The following CTNNA2 variants were observed in gnomAD, a reference collection of about 807,000 sequenced individuals.
CTNNA2 encodes catenin alpha-2.
In CTNNA2, 42 loss-of-function variants were observed where a neutral mutation model predicts 101.0. The observed-to-expected ratio is 0.42, with a 90% confidence interval of 0.32 to 0.54. CTNNA2 has a LOEUF of 0.54. Among genes scored for constraint, CTNNA2 ranks in the 20% least tolerant of loss-of-function variants. The pLI is 0.14. For synonymous variants in CTNNA2, 450 were observed against 456.4 expected (o/e 0.99, Z 0.18); for missense variants, 871 against 1,223.1 (o/e 0.71, Z 4.29).
At chr2:80,094,218 A>C (rs1251554965) in intron 7 of CTNNA2, among the ~76,000 whole-genome samples, 1 of 152,082 alleles carries the variant, frequency 6.6e-6, no homozygotes, top group African/African-American at 2.4e-5. Context: ...TCAGCTTTCT[A>C]CATATGGCTA....
At chr2:79,467,860 C>G (rs891376230) in intron 4 of CTNNA2, among the ~76,000 whole-genome samples, 2 of 152,150 alleles carry the variant, frequency 1.3e-5, no homozygotes, top group Non-Finnish European at 1.5e-5. Flanking sequence ...GCTTGCCCTA[C>G]AAGAGCTCCT....
chr2:80,151,466 G>A (rs933625050), intron 7 of CTNNA2, among the ~76,000 whole-genome samples: 3 of 152,146 alleles, frequency 2.0e-5, no homozygotes, highest in African/African-American at 7.2e-5. Flanking sequence ...GAAATATACA[G>A]TAAGAGCCAC....
At chr2:80,104,460 T>C (rs1441394045) in intron 7 of CTNNA2, among the ~76,000 whole-genome samples, 2 of 152,168 alleles carry the variant, frequency 1.3e-5, no homozygotes, top group Non-Finnish European at 2.9e-5. Flanking sequence ...CTCTGTTTGG[T>C]CTTTGCAGCC....
chr2:80,110,608 T>C lies in CTNNA2; in HGVS notation c.1056+200811T>C, dbSNP rs550795387. 1.6e-4 allele frequency among the ~76,000 whole-genome samples: 24 copies of C among 152,278 alleles called. No individual in the cohort carries two copies. The South Asian group carries it at 5.0e-3, about 32-fold the overall frequency. Reference sequence around the variant, plus strand: ...TAGCCTGTAGAGTTTAGCTGTCCTTTCCTGTGGTGTAGGTGAGAGAAAAAA... The same window carrying C: ...TAGCCTGTAGAGTTTAGCTGTCCTTCCCTGTGGTGTAGGTGAGAGAAAAAA... On this transcript the variant is annotated intron_variant, in intron 7 of 18. Transcript: ENST00000402739.
chr2:80,397,967 A>G (rs1037951967), intron 8 of CTNNA2, among the ~76,000 whole-genome samples: 5 of 152,216 alleles, frequency 3.3e-5, no homozygotes, highest in African/African-American at 1.2e-4. Flanking sequence ...GGTTTTGAGC[A>G]GCACCTCTAC....
At chr2:79,233,068 A>G (rs1674516043) in intron 2 of CTNNA2, among the ~76,000 whole-genome samples, 1 of 150,482 alleles carries the variant, frequency 6.6e-6, no homozygotes, top group African/African-American at 2.5e-5. Context: ...TTGTTCTCTG[A>G]TATTAGTTAT....
intron 17 of CTNNA2, among the ~76,000 whole-genome samples, chr2:80,618,250 G>A (rs1470715110): frequency 1.3e-5 from 2 of 151,824 alleles, no homozygotes; most frequent in African/African-American, 4.8e-5. Context: ...GCATCACTGG[G>A]TCATGTAACT....
intron 6 of CTNNA2, among the ~76,000 whole-genome samples, chr2:79,882,220 T>C (rs1284187365): frequency 3.3e-5 from 5 of 151,774 alleles, no homozygotes; most frequent in Admixed American, 3.3e-4. Flanking sequence ...CTGGCCTTTC[T>C]CTCTGGCTGC....
At chr2:80,621,838 C>T (rs962277740) in intron 18 of CTNNA2, among the ~76,000 whole-genome samples, 8 of 151,764 alleles carry the variant, frequency 5.3e-5, no homozygotes, top group African/African-American at 1.9e-4. Flanking sequence ...TGCCAAGTGC[C>T]GACTTGGAAG....
In CTNNA2 at chr2:80,546,124, G is replaced by A. The variant is rs1473880153; in HGVS notation, c.1540+61G>A. ...GGAGGAGGGTAACTGAACGAGATAA[G>A]GAATGTCTCGCAAATGTCATGGATC... On this transcript the variant is annotated intron_variant, in intron 11 of 18. Coordinates refer to ENST00000402739, the MANE Select transcript of CTNNA2 (RefSeq NM_001282597.3). The A allele has an allele frequency of 5.7e-6, 9 of 1,575,988 alleles. No homozygotes were observed. In the Admixed American group the frequency reaches 1.6e-4, roughly 28 times the overall value.
At chr2:80,390,467 G>T (rs550828355) in intron 7 of CTNNA2, among the ~76,000 whole-genome samples, 9 of 152,250 alleles carry the variant, frequency 5.9e-5, no homozygotes, top group African/African-American at 2.2e-4. Flanking sequence ...TGCCAGAAGG[G>T]ATACAGATCC....
At chr2:79,477,779 T>C (rs894293654) in intron 4 of CTNNA2, among the ~76,000 whole-genome samples, 7 of 152,212 alleles carry the variant, frequency 4.6e-5, no homozygotes, top group Non-Finnish European at 4.4e-5. Context: ...AATACGCTAG[T>C]TACTGTTTAA....
chr2:79,715,923 C>A (rs1287255871), intron 2 of CTNNA2, among the ~76,000 whole-genome samples: 1 of 151,876 alleles, frequency 6.6e-6, no homozygotes, highest in South Asian at 2.1e-4. Flanking sequence ...TTACATCCAA[C>A]GTATCAATGC....
intron 7 of CTNNA2, among the ~76,000 whole-genome samples, chr2:80,078,360 T>C (rs1414016182): frequency 6.6e-6 from 1 of 151,040 alleles, no homozygotes; most frequent in Non-Finnish European, 1.5e-5. Flanking sequence ...CTGGAGGAGG[T>C]GAAGTTTGAT....
intron 3 of CTNNA2, among the ~76,000 whole-genome samples, chr2:79,760,183 A>G (rs1672688662): frequency 6.6e-6 from 1 of 151,936 alleles, no homozygotes; most frequent in South Asian, 2.1e-4. Flanking sequence ...TAAATCAGTG[A>G]CTGATAGATA....
chr2:79,396,118 G>A (rs550475294), intron 4 of CTNNA2, among the ~76,000 whole-genome samples: 2 of 152,148 alleles, frequency 1.3e-5, no homozygotes, highest in African/African-American at 2.4e-5. Flanking sequence ...ATTCTAATAT[G>A]TCCAAAGTAT....
chr2:79,516,145 GT>G (rs972117354), intron 1 of CTNNA2, among the ~76,000 whole-genome samples: 13 of 152,006 alleles, frequency 8.6e-5, no homozygotes, highest in African/African-American at 3.1e-4. Context: ...ATTTAAATCT[GT>G]TTTTTCATCT....
chr2:79,521,165 TATA>T (rs1558695289), intron 1 of CTNNA2, among the ~76,000 whole-genome samples: 1 of 103,126 alleles, frequency 9.7e-6, no homozygotes, highest in African/African-American at 3.9e-5. Flanking sequence ...TATATATATA[TATA>T]AATTTTAAGG....
chr2:79,470,288 A>C (rs900311229), intron 4 of CTNNA2, among the ~76,000 whole-genome samples: 2 of 152,158 alleles, frequency 1.3e-5, no homozygotes, highest in Non-Finnish European at 2.9e-5. Flanking sequence ...GGAGCATTTG[A>C]ACCCAGGAGT....
Sources: gnomAD v4.1 joint callset for allele counts (sites outside exome capture counted in the v4.1 genomes callset) on GRCh38, gnomAD v4.1.1 for gene constraint, MANE v1.5 for transcripts, NCBI Gene and HGNC (gene_info 2026-07-23, HGNC 2026-07-21) for gene names.